The following PHRF1 variants were observed in gnomAD, a reference collection of about 807,000 sequenced individuals.
PHRF1 encodes the protein PHD and RING finger domain-containing protein 1.
Under a neutral mutation model 128.9 loss-of-function variants are expected in PHRF1, and 53 were observed. That is an observed-to-expected ratio of 0.41 (90% CI 0.33 to 0.52). The LOEUF (loss-of-function observed/expected upper bound fraction) is 0.52. Ranked by LOEUF, PHRF1 falls within the 20% of genes least tolerant of loss-of-function variation. The pLI, the probability that PHRF1 is intolerant of heterozygous loss-of-function variation, is 0.21. For missense variants in PHRF1, 2,503 were observed against 2,284.5 expected (o/e 1.10, Z -1.95); for synonymous variants, 1,178 against 980.6 (o/e 1.20, Z -3.76).
In PHRF1 at chr11:610,594, C is replaced by T; in HGVS notation, c.4510C>T (p.Gln1504Ter). Residue 1504 changes from glutamine to a stop codon, truncating the protein, a stop_gained, in exon 16 of 18, where the codon CAG (glutamine) becomes TAG (stop). Coordinates refer to ENST00000264555, the MANE Select transcript of PHRF1 (RefSeq NM_001286581.2). LOFTEE classifies it high-confidence loss of function. ...VSQPTVQFIL[Q>*]GSLPLVGCGA... ...CCAGCCCACGGTCCAGTTCATCCTT[C>T]AGGGGAGCCTGCCGCTAGTGGGCTG... The T allele has an allele frequency of 1.2e-6, 2 of 1,606,652 alleles. No homozygotes were observed. The highest frequency in any genetic ancestry group is 1.7e-6 in the Non-Finnish European group (2 of 1,179,770).
chr11:608,565 G>C lies in PHRF1; in HGVS notation c.3109G>C (p.Val1037Leu), dbSNP rs754990606. The C allele has an allele frequency of 2.5e-6, 4 of 1,612,364 alleles. No individual in the cohort carries two copies. The highest frequency in any genetic ancestry group is 3.4e-6 in the Non-Finnish European group (4 of 1,179,824). The stretch of plus-strand genomic sequence containing the variant: ...GAGCTCGAGGTCAGCGTCACCATCA[G>C]TGGGTGAGGAGCGCCCCAGGAGGCA... ...DRSSRSASPS[V>L]GEERPRRQRS... Residue 1037 changes from valine to leucine, a missense_variant, in exon 14 of 18, where the codon GTG becomes CTG. Coordinates refer to ENST00000264555, the MANE Select transcript of PHRF1 (RefSeq NM_001286581.2).
At position 609,326 on chromosome 11, in the gene PHRF1, T is replaced by G. The variant is rs1237175304; in HGVS notation, c.3870T>G (p.Pro1290=). The G allele has an allele frequency of 1.2e-6, 2 of 1,612,378 alleles. No individual in the cohort carries two copies. Among genetic ancestry groups the G allele is most frequent in the South Asian group, 2.2e-5 (2 of 91,090 alleles). The stretch of plus-strand genomic sequence containing the variant: ...AGCTCGATGACATGAGCTCGCCACC[T>G]TCTCCCGAAAGCACAGACTCTTCCC... ...FIQLDDMSSP[P]SPESTDSSPE... is the part of the protein sequence containing the mutation. The change falls in exon 14 of 18, where the codon CCT becomes CCG. Residue 1290 remains proline, a synonymous_variant. Transcript: ENST00000264555.
Position 581,467 on chromosome 11 carries a change from G to A in PHRF1, c.-21-25G>A, listed in dbSNP as rs769972080. On this transcript the variant is annotated intron_variant, in intron 1 of 17. Coordinates refer to ENST00000264555, the MANE Select transcript of PHRF1 (RefSeq NM_001286581.2). The stretch of plus-strand genomic sequence containing the variant: ...CTTTGCAGCCTGGGACAGTTTGGAA[G>A]TTGCTTGGCTCTTCTTTCTTTCAGA... 8.1e-6 allele frequency: 13 copies of A among 1,606,308 alleles called. No individual in the cohort carries two copies. The South Asian group carries it at 1.3e-4, about 16-fold the overall frequency.
At position 607,943 on chromosome 11, in the gene PHRF1, C is replaced by T. The variant is rs1225865618; in HGVS notation, c.2487C>T (p.Val829=). The T allele has an allele frequency of 6.2e-7, 1 of 1,612,360 alleles. No homozygotes were observed. The highest frequency in any genetic ancestry group is 8.5e-7 in the Non-Finnish European group (1 of 1,179,854). The part of the protein sequence containing the change: ...IKKTKQLRSE[V]YDPSDPTGSD... The stretch of plus-strand genomic sequence containing the variant: ...AGACGAAGCAGCTGCGGAGCGAGGT[C>T]TACGACCCATCCGACCCCACCGGCT... Residue 829 remains valine, a synonymous_variant, in exon 14 of 18, where the codon GTC becomes GTT. Transcript: ENST00000264555.
rs756612271 is a variant in PHRF1 at position 608,175 on chromosome 11, G to A, written c.2719G>A (p.Gly907Ser). 31 of 1,610,352 alleles carry A rather than the reference G, an allele frequency of 1.9e-5. No individual in the cohort carries two copies. The South Asian group carries it at 3.3e-4, about 17-fold the overall frequency. The change falls in exon 14 of 18, where the codon GGT (glycine) becomes AGT (serine). Residue 907 changes from glycine (G) to serine (S), a missense_variant. Coordinates refer to ENST00000264555, the MANE Select transcript of PHRF1 (RefSeq NM_001286581.2). Reference sequence around the variant, plus strand: ...GTCCTCCGCCATGTCCAAGCTCCGGGGTGCAGTGGCTGCCGAGGGGGCCTC... The same window carrying A: ...GTCCTCCGCCATGTCCAAGCTCCGGAGTGCAGTGGCTGCCGAGGGGGCCTC... ...GPSSAMSKLR[G>S]AVAAEGASDT...
At chr11:587,799 C>A in intron 4 of PHRF1, among the ~76,000 whole-genome samples, 1 of 152,188 alleles carries the variant, frequency 6.6e-6, no homozygotes, top group South Asian at 2.1e-4. Context: ...TGCGTGGTCA[C>A]TTTGCTGCCT....
At chr11:585,497 T>A (rs61877833) in intron 3 of PHRF1, among the ~76,000 whole-genome samples, 129 of 39,954 alleles carry the variant, frequency 3.2e-3, no homozygotes, top group South Asian at 5.2e-3. Flanking sequence ...CCTTTCCAGC[T>A]TGAGGTAGTA....
intron 1 of PHRF1, among the ~76,000 whole-genome samples, chr11:578,868 T>C (rs1854041538): frequency 6.6e-6 from 1 of 152,182 alleles, no homozygotes; most frequent in Non-Finnish European, 1.5e-5. Context: ...ATTTTTTTTT[T>C]TGAGACTGAG....
Position 607,987 on chromosome 11 carries a change from G to T in PHRF1, c.2531G>T (p.Gly844Val). ...ACCGGCTCCGACTCCAGCGCCCCTG[G>T]CAGCAGCCCCGAGAGGTCTGGCCCC... ...DPTGSDSSAP[G>V]SSPERSGPGL... Residue 844 changes from glycine (G) to valine (V), a missense_variant, in exon 14 of 18, where the codon GGC (glycine) becomes GTC (valine). Transcript: ENST00000264555. 1 of 1,611,458 alleles carries T rather than the reference G, an allele frequency of 6.2e-7. No homozygotes were observed. Among genetic ancestry groups the T allele is most frequent in the Non-Finnish European group, 8.5e-7 (1 of 1,179,866 alleles).
At position 598,387 on chromosome 11, in the gene PHRF1, C is replaced by T. The variant is rs1486124747; in HGVS notation, c.909C>T (p.Arg303=). The change falls in exon 9 of 18, where the codon CGC becomes CGT. Residue 303 remains arginine (R), a synonymous_variant. Coordinates refer to ENST00000264555, the MANE Select transcript of PHRF1 (RefSeq NM_001286581.2). Reference sequence around the variant, plus strand: ...TTTGCCTGTAGCACACACCAGGGCGCCTCGGGTCTTCCCTGCTGGATGAAG... The same window carrying T: ...TTTGCCTGTAGCACACACCAGGGCGTCTCGGGTCTTCCCTGCTGGATGAAG... The part of the protein sequence containing the change: ...TARRVQHTPG[R]LGSSLLDEAI... 1 of 1,609,872 alleles carries T rather than the reference C, an allele frequency of 6.2e-7. No individual in the cohort carries two copies. The highest frequency in any genetic ancestry group is 8.5e-7 in the Non-Finnish European group (1 of 1,179,764).
intron 10 of PHRF1, 39 bp from the exon 11 acceptor site, chr11:605,080 C>T (rs370719720): frequency 7.0e-6 from 11 of 1,569,754 alleles, no homozygotes; most frequent in South Asian, 3.4e-5. Context: ...ATGCCATCCC[C>T]GTCTCTCTGT....
chr11:598,581 G>T, intron 9 of PHRF1, 79 bp downstream of exon 9: 3 of 1,492,242 alleles, frequency 2.0e-6, no homozygotes, highest in Non-Finnish European at 2.7e-6. Flanking sequence ...CTTCCCTCAA[G>T]GCTGTGGGCA....
chr11:605,774 C>T lies in PHRF1; in HGVS notation c.1454+50C>T, dbSNP rs193141727. The T allele has an allele frequency of 1.4e-3, 2,157 of 1,559,980 alleles. 2 individuals are homozygous for T. The highest frequency in any genetic ancestry group is 1.7e-3 in the Non-Finnish European group (2,024 of 1,161,222). On this transcript the variant is annotated intron_variant, in intron 12 of 17. Coordinates refer to ENST00000264555, the MANE Select transcript of PHRF1 (RefSeq NM_001286581.2). ...GGAGGTGGGGGCAGCAGTTGGGCATCGGATGGGAGTTCTAGGGTGGGGCCG... is the reference window on the plus strand; with the variant it reads ...GGAGGTGGGGGCAGCAGTTGGGCATTGGATGGGAGTTCTAGGGTGGGGCCG...
At chr11:592,478 T>C (rs1018266203) in intron 5 of PHRF1, 81 bp from the exon 6 acceptor site, 32 of 1,394,934 alleles carry the variant, frequency 2.3e-5, no homozygotes, top group Non-Finnish European at 3.2e-5. Flanking sequence ...GGGTGGATTC[T>C]GGATTAACTG....
chr11:610,966 C>T lies in PHRF1; in HGVS notation c.4690C>T (p.Leu1564=). 6.2e-7 allele frequency: 1 copy of T among 1,613,160 alleles called. No individual in the cohort carries two copies. ...KTKKEEYMKK[L]HMQERAVEEV... ...ATGTCCCCTCTAGTACATGAAGAAGCTGCACATGCAGGAGCGTGCTGTGGA... is the reference window on the plus strand; with the variant it reads ...ATGTCCCCTCTAGTACATGAAGAAGTTGCACATGCAGGAGCGTGCTGTGGA... The change falls in exon 17 of 18, where the codon CTG becomes TTG. Residue 1564 remains leucine (L), a synonymous_variant. Transcript: ENST00000264555.
intron 3 of PHRF1, among the ~76,000 whole-genome samples, chr11:583,792 C>T (rs540808870): frequency 2.6e-5 from 4 of 152,288 alleles, no homozygotes; most frequent in Non-Finnish European, 5.9e-5. Flanking sequence ...CTTCCTTGTC[C>T]CCTGTTGCCA....
rs1373200566 is a variant in PHRF1 at position 606,939 on chromosome 11, C to T, written c.1610-127C>T. 2.8e-6 allele frequency: 4 copies of T among 1,436,334 alleles called. No individual in the cohort carries two copies. The Admixed American group carries it at 7.9e-5, about 28-fold the overall frequency. 89.0% of individuals were successfully genotyped at this position (1,436,334 alleles called of 1,614,324 possible). On this transcript the variant is annotated intron_variant, in intron 13 of 17. Transcript: ENST00000264555. ...CGGGTGTGGAAAGGCGAGGTGTCCACCTCAACAGGCAGACAGGAGTTTAAA... is the reference window on the plus strand; with the variant it reads ...CGGGTGTGGAAAGGCGAGGTGTCCATCTCAACAGGCAGACAGGAGTTTAAA...
In PHRF1 at chr11:586,044, A is replaced by G. The variant is rs1854537782; in HGVS notation, c.215-1215A>G. On this transcript the variant is annotated intron_variant, in intron 3 of 17. Transcript: ENST00000264555. Reference sequence around the variant, plus strand: ...ACCCGGCTATTTTTGTATTTTTTGTAGAGACGGGGTTTCACCATGTTGGCC... The same window carrying G: ...ACCCGGCTATTTTTGTATTTTTTGTGGAGACGGGGTTTCACCATGTTGGCC... Among the ~76,000 whole-genome samples, 4 of 151,234 alleles carry G rather than the reference A, an allele frequency of 2.6e-5. No homozygotes were observed. In the South Asian group the frequency reaches 8.3e-4, roughly 31 times the overall value.
rs1039445062 is a variant in PHRF1 at position 601,459 on chromosome 11, G to C, written c.1025-115G>C. The stretch of plus-strand genomic sequence containing the variant: ...AAAAAAAAAAAAATTGCAAGCCGGT[G>C]CGTGTGGTCCCGCTGTACCGGCTCC... On this transcript the variant is annotated intron_variant, in intron 9 of 17. Transcript: ENST00000264555. 5 of 1,395,358 alleles carry C rather than the reference G, an allele frequency of 3.6e-6. No homozygotes were observed. The African/African-American group carries it at 7.3e-5, about 20-fold the overall frequency. The allele number at this position is 1,395,358 out of a possible 1,614,324, so 86.4% of individuals were successfully genotyped here.
Sources: gnomAD v4.1 joint callset for allele counts (sites outside exome capture counted in the v4.1 genomes callset) on GRCh38, gnomAD v4.1.1 for gene constraint, MANE v1.5 for transcripts, NCBI Gene and HGNC (gene_info 2026-07-23, HGNC 2026-07-21) for gene names.